The following CSMD1 variants were observed in gnomAD, a reference collection of about 807,000 sequenced individuals.
CSMD1 encodes CUB and sushi domain-containing protein 1.
In CSMD1, 213 loss-of-function variants were observed where a neutral mutation model predicts 417.5. The observed-to-expected ratio is 0.51, with a 90% CI of 0.46 to 0.57. The LOEUF is 0.57. Ranked by LOEUF, CSMD1 falls within the 20% of genes least tolerant of loss-of-function variation. The probability of loss-of-function intolerance (pLI) is 0.00; values close to 1 mark genes in which losing one functional copy is unlikely to be tolerated. For missense variants in CSMD1, 6,923 were observed against 4,529.7 expected, an observed-to-expected ratio of 1.53 and a Z score of -15.17; for synonymous variants, 2,862 against 1,736.8, an observed-to-expected ratio of 1.65 and a Z score of -16.11.
intron 3 of CSMD1, among the ~76,000 whole-genome samples, chr8:4,338,061 C>G (rs1800273273): frequency 1.3e-5 from 2 of 152,050 alleles, no homozygotes; most frequent in South Asian, 4.1e-4. Flanking sequence ...AATAAAGCCC[C>G]ATCATACTCT....
intron 23 of CSMD1, among the ~76,000 whole-genome samples, chr8:3,332,269 C>T (rs1806953363): frequency 6.6e-6 from 1 of 152,208 alleles, no homozygotes; most frequent in South Asian, 2.1e-4. Flanking sequence ...ACAATTGTAT[C>T]CTGCCCTCTT....
At chr8:4,206,634 G>A (rs1799998137) in intron 3 of CSMD1, among the ~76,000 whole-genome samples, 1 of 152,158 alleles carries the variant, frequency 6.6e-6, no homozygotes, top group African/African-American at 2.4e-5. Context: ...GAACAGTGAT[G>A]CAATAAACGT....
chr8:3,995,540 G>C (rs1287284096), intron 5 of CSMD1, among the ~76,000 whole-genome samples: 2 of 152,202 alleles, frequency 1.3e-5, no homozygotes, highest in Non-Finnish European at 1.5e-5. Context: ...TACACTGACT[G>C]AGGGGCTATA....
At chr8:4,083,673 C>A (rs1428654820) in intron 3 of CSMD1, among the ~76,000 whole-genome samples, 1 of 152,074 alleles carries the variant, frequency 6.6e-6, no homozygotes, top group African/African-American at 2.4e-5. Flanking sequence ...TTCCTTACAC[C>A]TTATACAAAA....
intron 5 of CSMD1, among the ~76,000 whole-genome samples, chr8:3,906,606 T>C (rs74339524): frequency 0.028 from 4,144 of 150,080 alleles, 87 homozygotes; most frequent in South Asian, 0.069. Flanking sequence ...GGTAATACTC[T>C]AGAATCTAAC....
intron 3 of CSMD1, among the ~76,000 whole-genome samples, chr8:4,373,141 C>T (rs541382493): frequency 6.6e-6 from 1 of 152,136 alleles, no homozygotes; most frequent in Non-Finnish European, 1.5e-5. Flanking sequence ...TCAGACACCT[C>T]CCTAGGGAGG....
chr8:3,586,701 CTG>C (rs1800616786), intron 8 of CSMD1, among the ~76,000 whole-genome samples: 1 of 152,126 alleles, frequency 6.6e-6, no homozygotes, highest in Non-Finnish European at 1.5e-5. Context: ...TCAGTAAAGA[CTG>C]TATTTTGCTA....
chr8:3,175,412 C>T (rs1820849437), intron 37 of CSMD1, among the ~76,000 whole-genome samples: 1 of 151,958 alleles, frequency 6.6e-6, no homozygotes, highest in Admixed American at 6.6e-5. Context: ...ACTTCCACTT[C>T]CTTCTTTCCT....
chr8:3,993,494 T>C (rs1266782246), intron 5 of CSMD1, among the ~76,000 whole-genome samples: 2 of 152,218 alleles, frequency 1.3e-5, no homozygotes, highest in African/African-American at 4.8e-5. Context: ...TGAAGTTTTG[T>C]TTTAACTTTA....
At chr8:3,289,645 T>C (rs1803403816) in intron 25 of CSMD1, among the ~76,000 whole-genome samples, 1 of 145,024 alleles carries the variant, frequency 6.9e-6, no homozygotes, top group Non-Finnish European at 1.5e-5. Flanking sequence ...TGTCTGTTCA[T>C]ATCCTTTGCC....
intron 3 of CSMD1, among the ~76,000 whole-genome samples, chr8:4,338,612 A>G (rs1044471368): frequency 6.6e-6 from 1 of 152,158 alleles, no homozygotes; most frequent in African/African-American, 2.4e-5. Flanking sequence ...CAGCAATTAA[A>G]TCTTTAAATT....
At chr8:4,276,926 A>T (rs548693718) in intron 3 of CSMD1, among the ~76,000 whole-genome samples, 9 of 152,332 alleles carry the variant, frequency 5.9e-5, no homozygotes, top group African/African-American at 1.9e-4. Flanking sequence ...AATTCATTTC[A>T]AAGTAGCCTG....
At chr8:3,135,922 T>C (rs1438844115) in intron 41 of CSMD1, among the ~76,000 whole-genome samples, 1 of 152,154 alleles carries the variant, frequency 6.6e-6, no homozygotes, top group Admixed American at 6.5e-5. Flanking sequence ...GAAAAAGCTA[T>C]GAAAATCACA....
intron 4 of CSMD1, among the ~76,000 whole-genome samples, chr8:4,007,719 G>C (rs1235865417): frequency 2.0e-5 from 3 of 151,574 alleles, no homozygotes; most frequent in African/African-American, 7.3e-5. Flanking sequence ...GAATGACTCT[G>C]GCTTTCCTAC....
chr8:3,268,946 G>C (rs1206197069), intron 26 of CSMD1, among the ~76,000 whole-genome samples: 1 of 152,162 alleles, frequency 6.6e-6, no homozygotes, highest in Non-Finnish European at 1.5e-5. Context: ...GAAAGAAGCT[G>C]ATATTCTATT....
chr8:4,671,116 A>G lies in CSMD1; in HGVS notation c.86-33558T>C, dbSNP rs548379259. On this transcript the variant is annotated intron_variant, in intron 1 of 69. Transcript: ENST00000635120. ...ATCTGTGGCTTGAAAAACTAGCTGC[A>G]TTTGCACTCAGTATTCTCTCTTCAA... Among the ~76,000 whole-genome samples the G allele has an allele frequency of 1.8e-3, 269 of 152,320 alleles. 1 individual carries two copies. The highest frequency in any genetic ancestry group is 6.0e-3 in the African/African-American group (249 of 41,570).
intron 26 of CSMD1, among the ~76,000 whole-genome samples, chr8:3,257,248 T>G (rs1047194769): frequency 2.0e-5 from 3 of 152,106 alleles, no homozygotes; most frequent in African/African-American, 7.2e-5. Flanking sequence ...CGCTTCAACC[T>G]GGGAGGCAGA....
chr8:3,767,989 T>C (rs1798376922), intron 5 of CSMD1, among the ~76,000 whole-genome samples: 1 of 152,246 alleles, frequency 6.6e-6, no homozygotes, highest in African/African-American at 2.4e-5. Flanking sequence ...ATATTTCATA[T>C]GTCTTTGCAG....
chr8:4,267,850 A>C (rs949337410), intron 3 of CSMD1, among the ~76,000 whole-genome samples: 1 of 152,124 alleles, frequency 6.6e-6, no homozygotes, highest in Non-Finnish European at 1.5e-5. Flanking sequence ...AGCTTGAATT[A>C]TTGTCATAGC....
Sources: allele counts gnomAD v4.1 joint callset (sites outside exome capture counted in the v4.1 genomes callset), GRCh38; gene constraint gnomAD v4.1.1; transcripts MANE v1.5; gene names NCBI Gene and HGNC (gene_info 2026-07-23, HGNC 2026-07-21).